The following IRAK4 variants were observed in gnomAD, a reference collection of about 807,000 sequenced individuals.
IRAK4 encodes the protein interleukin 1 receptor associated kinase 4.
A neutral mutation model predicts 51.8 loss-of-function variants in IRAK4; 44 were observed. That is an observed-to-expected ratio of 0.85 (90% CI 0.67 to 1.09). The LOEUF (loss-of-function observed/expected upper bound fraction) is 1.09, where lower values mean the gene tolerates loss of function less well. Ranked by LOEUF, IRAK4 falls within the 50% of genes least tolerant of loss-of-function variation. The pLI is 0.00. For missense variants in IRAK4, 487 were observed against 538.0 expected (o/e 0.91, Z 0.94); for synonymous variants, 149 against 174.1 (o/e 0.86, Z 1.13).
chr12:43,772,228 C>T lies in IRAK4; in HGVS notation c.356C>T (p.Thr119Ile). The T allele has an allele frequency of 6.2e-7, 1 of 1,613,752 alleles. No homozygotes were observed. Among genetic ancestry groups the T allele is most frequent in the Non-Finnish European group, 8.5e-7 (1 of 1,179,856 alleles). ...ACACTACCTTCTAAAGAAGCTATAA[C>T]AGTTCAGCAAAAACAGATGCCTTTC... ...ANTLPSKEAI[T>I]VQQKQMPFCD... The change falls in exon 4 of 12, where the codon ACA (threonine) becomes ATA (isoleucine). Residue 119 changes from threonine to isoleucine, a missense_variant. Transcript: ENST00000613694.
At chr12:43,770,998 G>A (rs181808619) in intron 2 of IRAK4, 171 of 678,396 alleles carry the variant, frequency 2.5e-4, no homozygotes, top group South Asian at 1.2e-3. Context: ...TCACATGCAC[G>A]TGTGCATGCT....
intron 9 of IRAK4, 36 bp from the exon 10 acceptor site, chr12:43,783,626 T>C: frequency 7.6e-7 from 1 of 1,323,672 alleles, no homozygotes; most frequent in Non-Finnish European, 1.1e-6. Flanking sequence ...CAGCCTATCT[T>C]GTGTATTATA....
At chr12:43,763,933 C>T (rs1173478787) in intron 1 of IRAK4, among the ~76,000 whole-genome samples, 1 of 152,076 alleles carries the variant, frequency 6.6e-6, no homozygotes, top group Non-Finnish European at 1.5e-5. Flanking sequence ...GGTATGCTAC[C>T]ATCCTGGTTT....
At chr12:43,766,803 T>C (rs1000879713) in intron 1 of IRAK4, among the ~76,000 whole-genome samples, 7 of 152,216 alleles carry the variant, frequency 4.6e-5, no homozygotes, top group Admixed American at 2.6e-4. Flanking sequence ...ATCTACAGTA[T>C]GCAAGTCACT....
chr12:43,778,069 C>T, intron 7 of IRAK4, 124 bp from the exon 8 acceptor site: 1 of 665,390 alleles, frequency 1.5e-6, no homozygotes, highest in South Asian at 1.8e-5. Context: ...AAAATGTAGT[C>T]CTAAATTATT....
chr12:43,781,308 C>T (rs1011989308), intron 8 of IRAK4, among the ~76,000 whole-genome samples: 1 of 152,204 alleles, frequency 6.6e-6, no homozygotes, highest in Non-Finnish European at 1.5e-5. Flanking sequence ...CATCTATTCA[C>T]TACCACACTA....
At chr12:43,763,169 T>G (rs1939744557) in intron 1 of IRAK4, 1 of 152,234 alleles carries the variant, frequency 6.6e-6, no homozygotes, top group African/African-American at 2.4e-5. Flanking sequence ...CAGCTTCAGA[T>G]TCCTCATTGC....
At chr12:43,761,638 C>T (rs1939569337) in intron 1 of IRAK4, among the ~76,000 whole-genome samples, 2 of 152,132 alleles carry the variant, frequency 1.3e-5, no homozygotes, top group Admixed American at 1.3e-4. Context: ...TTGGTTAGAA[C>T]TTAGGCCTGT....
rs55973711 is a variant in IRAK4, at chr12:43,773,220, T to A, written c.651+148T>A. 0.022 allele frequency: 17,329 copies of A among 786,568 alleles called. 358 individuals carry two copies. Among genetic ancestry groups the A allele is most frequent in the South Asian group, 0.067 (3,801 of 56,594 alleles). 48.7% of individuals were successfully genotyped at this position (786,568 alleles called of 1,614,324 possible). ...TTCTAAATAGTAGTTCTTAAAATTT[T>A]AAAATCTGTTGAACACTATGGACCC... is the stretch of plus-strand genomic sequence containing the variant. On this transcript the variant is annotated intron_variant, in intron 5 of 11. Coordinates refer to ENST00000613694, the MANE Select transcript of IRAK4 (RefSeq NM_016123.4).
At chr12:43,772,663 C>G (rs1940890193) in intron 4 of IRAK4, among the ~76,000 whole-genome samples, 1 of 152,114 alleles carries the variant, frequency 6.6e-6, no homozygotes, top group African/African-American at 2.4e-5. Flanking sequence ...GGTAGGTAGA[C>G]TAGACCCACT....
rs779861617 is a variant in IRAK4 at position 43,772,346 on chromosome 12, A to G, written c.474A>G (p.Leu158=). Reference sequence around the variant, plus strand: ...CCTCAAGTCCAGAAAATAAAAGTTTAGAAGTTAGTGATACACGTAAGTAAC... The same window carrying G: ...CCTCAAGTCCAGAAAATAAAAGTTTGGAAGTTAGTGATACACGTAAGTAAC... ...PDSSSPENKS[L]EVSDTRFHSF... The change falls in exon 4 of 12, where the codon TTA becomes TTG. Residue 158 remains leucine, a synonymous_variant. Transcript: ENST00000613694. 2.5e-6 allele frequency: 4 copies of G among 1,612,626 alleles called. No homozygotes were observed. Among genetic ancestry groups the G allele is most frequent in the East Asian group, 4.5e-5 (2 of 44,880 alleles).
Position 43,789,122 on chromosome 12 carries a change from T to G in IRAK4, c.*2407T>G, listed in dbSNP as rs1942396908. On this transcript the variant is annotated 3_prime_UTR_variant, in exon 12 of 12. Coordinates refer to ENST00000613694, the MANE Select transcript of IRAK4 (RefSeq NM_016123.4). ...TGGGGGGCTGGGGGTAGAATGACAT[T>G]GTTTAGATGTTTGTCTCCTTCAAAT... 6.6e-6 allele frequency: 1 copy of G among 151,954 alleles called. No homozygotes were observed. The highest frequency in any genetic ancestry group is 1.5e-5 in the Non-Finnish European group (1 of 67,962). 9.4% of individuals were successfully genotyped at this position (151,954 alleles called of 1,614,324 possible). A position where few individuals can be genotyped will look rare whatever the true frequency, so the allele number is the denominator to read the frequency against.
chr12:43,783,929 A>T (rs1268500159), intron 10 of IRAK4, among the ~76,000 whole-genome samples: 1 of 152,180 alleles, frequency 6.6e-6, no homozygotes, highest in Non-Finnish European at 1.5e-5. Flanking sequence ...AAAGTCACTT[A>T]TATATTCTTT....
chr12:43,787,312 G>T lies in IRAK4; in HGVS notation c.*597G>T, dbSNP rs1003354171. The stretch of plus-strand genomic sequence containing the variant: ...AACCACAAATAAAATATCCCTTGAT[G>T]ATACTGCCATAATGATATGTCCATT... On this transcript the variant is annotated 3_prime_UTR_variant, in exon 12 of 12. Coordinates refer to ENST00000613694, the MANE Select transcript of IRAK4 (RefSeq NM_016123.4). The T allele has an allele frequency of 6.5e-6, 1 of 153,006 alleles. No homozygotes were observed. The highest frequency in any genetic ancestry group is 1.5e-5 in the Non-Finnish European group (1 of 68,634). 9.5% of individuals were successfully genotyped at this position (153,006 alleles called of 1,614,324 possible).
Position 43,777,724 on chromosome 12 carries a change from C to G in IRAK4, c.811C>G (p.Leu271Val). The G allele has an allele frequency of 6.2e-7, 1 of 1,612,134 alleles. No individual in the cohort carries two copies. Among genetic ancestry groups the G allele is most frequent in the Non-Finnish European group, 8.5e-7 (1 of 1,178,492 alleles). Residue 271 changes from leucine (L) to valine (V), a missense_variant, in exon 7 of 12, where the codon CTA (leucine) becomes GTA (valine). Leu to Val is a conservative substitution (Grantham distance 32). Coordinates refer to ENST00000613694, the MANE Select transcript of IRAK4 (RefSeq NM_016123.4). ...TGTTTACATGCCTAATGGTTCATTG[C>G]TAGACAGACTCTCTTGCTTGGTAAG... ...VYVYMPNGSL[L>V]DRLSCLDGTP...
chr12:43,763,961 C>CT (rs1302908318), intron 1 of IRAK4, among the ~76,000 whole-genome samples: 1 of 152,144 alleles, frequency 6.6e-6, no homozygotes, highest in Non-Finnish European at 1.5e-5. Context: ...GCCTTCATGA[C>CT]TAAGCAGTAT....
chr12:43,767,110 G>A (rs1940232140), intron 1 of IRAK4, among the ~76,000 whole-genome samples: 1 of 152,032 alleles, frequency 6.6e-6, no homozygotes. Flanking sequence ...CTCTAAAATT[G>A]TATTTTTAAA....
intron 8 of IRAK4, among the ~76,000 whole-genome samples, chr12:43,780,760 G>A (rs1047545695): frequency 6.6e-6 from 1 of 151,984 alleles, no homozygotes; most frequent in African/African-American, 2.4e-5. Flanking sequence ...TAGTAGAGAT[G>A]GGGTTTCTCC....
chr12:43,772,873 T>A (rs753596491), intron 4 of IRAK4, 39 bp from the exon 5 acceptor site: 21 of 1,446,648 alleles, frequency 1.5e-5, no homozygotes, highest in Admixed American at 5.5e-5. Flanking sequence ...TTAAAACGAA[T>A]TTTTAAAATT....
Sources: gnomAD v4.1 joint callset for allele counts (sites outside exome capture counted in the v4.1 genomes callset) on GRCh38, gnomAD v4.1.1 for gene constraint, MANE v1.5 for transcripts, NCBI Gene and HGNC (gene_info 2026-07-23, HGNC 2026-07-21) for gene names.